Variants in NMBR observed in about 807,000 individuals in gnomAD.
The protein encoded by NMBR is neuromedin B receptor, also known as neuromedin-B receptor.
Under a neutral mutation model 20.5 loss-of-function variants are expected in NMBR, and 16 were observed. The observed-to-expected ratio is 0.78, with a 90% confidence interval of 0.53 to 1.19. The LOEUF (loss-of-function observed/expected upper bound fraction) is 1.19, where lower values mean the gene tolerates loss of function less well. Among genes scored for constraint, NMBR ranks in the 50% most tolerant of loss-of-function variants. The pLI, the probability that NMBR is intolerant of heterozygous loss-of-function variation, is 0.00. For missense variants in NMBR, 582 were observed against 499.1 expected (o/e 1.17, Z -1.58); for synonymous variants, 212 against 196.6 (o/e 1.08, Z -0.65).
chr6:142,129,956 C>G (rs932592723), intron 1 of NMBR, among the ~76,000 whole-genome samples: 1 of 152,096 alleles, frequency 6.6e-6, no homozygotes, highest in Admixed American at 6.6e-5. Flanking sequence ...GTACTGTGTG[C>G]TCCCTCCTAC....
At position 142,076,884 on chromosome 6, in the gene NMBR, A is replaced by G. The variant is rs531373972; in HGVS notation, c.772-835T>C. Among the ~76,000 whole-genome samples, 23 of 152,344 alleles carry G rather than the reference A, an allele frequency of 1.5e-4. No homozygotes were observed. In the South Asian group the frequency reaches 4.8e-3, roughly 32 times the overall value. Reference sequence around the variant, plus strand: ...GTATCATAATATTTTCTGAGTGAATACTACTGGTCGTCAACTAGAATATTC... The same window carrying G: ...GTATCATAATATTTTCTGAGTGAATGCTACTGGTCGTCAACTAGAATATTC... On this transcript the variant is annotated intron_variant, in intron 3 of 3. Transcript: ENST00000258042.
intron 1 of NMBR, among the ~76,000 whole-genome samples, chr6:142,140,721 T>C (rs1174969316): frequency 2.0e-5 from 3 of 152,128 alleles, no homozygotes; most frequent in Non-Finnish European, 1.5e-5. Context: ...GAATATTTTA[T>C]AGAAAATAAA....
chr6:142,085,490 C>T (rs1777183440), intron 2 of NMBR, among the ~76,000 whole-genome samples: 2 of 152,120 alleles, frequency 1.3e-5, no homozygotes, highest in African/African-American at 4.8e-5. Flanking sequence ...CACCCCTACA[C>T]TCCAGCCTGA....
At chr6:142,126,259 C>G (rs1051126279) in intron 1 of NMBR, among the ~76,000 whole-genome samples, 5 of 148,990 alleles carry the variant, frequency 3.4e-5, no homozygotes, top group South Asian at 2.1e-4. Context: ...TCCTCTCTCT[C>G]TCTGTGTGTG....
At chr6:142,141,719 T>C (rs1778365179) in intron 1 of NMBR, among the ~76,000 whole-genome samples, 1 of 152,124 alleles carries the variant, frequency 6.6e-6, no homozygotes, top group African/African-American at 2.4e-5. Context: ...TTGGCCAGGC[T>C]GTCTCGAACT....
chr6:142,097,171 CATTTAAAGTT>C (rs1777470308), intron 1 of NMBR, among the ~76,000 whole-genome samples: 2 of 152,166 alleles, frequency 1.3e-5, no homozygotes, highest in South Asian at 4.1e-4. Flanking sequence ...AGCCCATTTA[CATTTAAAGTT>C]AATATTGTTA....
At position 142,075,881 on chromosome 6, in the gene NMBR, A is replaced by C. The variant is rs1776931545; in HGVS notation, c.940T>G (p.Phe314Val). 1 of 1,614,090 alleles carries C rather than the reference A, an allele frequency of 6.2e-7. No homozygotes were observed. ...IVTLVARVLS[F>V]GNSCVNPFAL... The stretch of plus-strand genomic sequence containing the variant: ...AATGGGTTGACACAAGAATTGCCAA[A>C]ACTGAGAACCCGGGCAACTAAGGTG... The change falls in exon 4 of 4, where the codon TTT becomes GTT. Residue 314 changes from phenylalanine (F) to valine (V), a missense_variant. Phe to Val is a conservative substitution (Grantham distance 50). Transcript: ENST00000258042.
chr6:142,092,820 T>G (rs902626220), intron 1 of NMBR, among the ~76,000 whole-genome samples: 4 of 152,178 alleles, frequency 2.6e-5, no homozygotes, highest in African/African-American at 7.2e-5. Flanking sequence ...ACTCTGGAGA[T>G]TCACAGAATT....
intron 1 of NMBR, among the ~76,000 whole-genome samples, chr6:142,136,067 C>T (rs184364318): frequency 6.6e-6 from 1 of 152,196 alleles, no homozygotes; most frequent in Non-Finnish European, 1.5e-5. Context: ...TGAGGAATCG[C>T]CACACTGACT....
At position 142,088,600 on chromosome 6, in the gene NMBR, G is replaced by C. The variant is rs762083287; in HGVS notation, c.59C>G (p.Ser20Cys). Residue 20 changes from serine to cysteine, a missense_variant, in exon 2 of 4, where the codon TCC becomes TGC. Coordinates refer to ENST00000258042, the MANE Select transcript of NMBR (RefSeq NM_002511.4). ...ATCCCTTTCCCACCCCTCGGGAACG[G>C]AACCGCTCTCATTCGCGCCGGTGGT... ...SVTTGANESG[S>C]VPEGWERDFL... 3 of 1,612,054 alleles carry C rather than the reference G, an allele frequency of 1.9e-6. No individual in the cohort carries two copies. Among genetic ancestry groups the C allele is most frequent in the East Asian group, 2.2e-5 (1 of 44,854 alleles).
At chr6:142,084,903 GTGTT>G (rs1159091030) in intron 2 of NMBR, among the ~76,000 whole-genome samples, 1 of 152,170 alleles carries the variant, frequency 6.6e-6, no homozygotes, top group Non-Finnish European at 1.5e-5. Context: ...GAATATGTGT[GTGTT>G]TGTGTGTATG....
At chr6:142,142,853 G>A (rs906798124) in intron 1 of NMBR, among the ~76,000 whole-genome samples, 3 of 152,068 alleles carry the variant, frequency 2.0e-5, no homozygotes, top group Non-Finnish European at 4.4e-5. Context: ...TAGAGGTGAA[G>A]CCAGTAGGAT....
intron 2 of NMBR, among the ~76,000 whole-genome samples, chr6:142,079,111 A>AG (rs752203124): frequency 0.022 from 1,757 of 79,572 alleles, 26 homozygotes; most frequent in African/African-American, 0.033. Context: ...AGAGAGAAAG[A>AG]AAGAAAGAAA....
At chr6:142,133,487 G>C (rs1778183965) in intron 1 of NMBR, among the ~76,000 whole-genome samples, 1 of 152,166 alleles carries the variant, frequency 6.6e-6, no homozygotes, top group Non-Finnish European at 1.5e-5. Context: ...TTAAGATAGT[G>C]TACGGACTGA....
At chr6:142,127,483 T>A (rs943441393) in intron 1 of NMBR, among the ~76,000 whole-genome samples, 1 of 152,094 alleles carries the variant, frequency 6.6e-6, no homozygotes, top group Non-Finnish European at 1.5e-5. Flanking sequence ...CTTTTGTAGT[T>A]TCATATAAAT....
At chr6:142,094,779 C>G (rs1777411180) in intron 1 of NMBR, among the ~76,000 whole-genome samples, 1 of 152,132 alleles carries the variant, frequency 6.6e-6, no homozygotes, top group African/African-American at 2.4e-5. Flanking sequence ...TCTTCCTACC[C>G]ATGAGCATGG....
intron 1 of NMBR, among the ~76,000 whole-genome samples, chr6:142,090,955 T>C (rs545206414): frequency 6.6e-6 from 1 of 152,246 alleles, no homozygotes; most frequent in African/African-American, 2.4e-5. Context: ...AAATATCCAA[T>C]TGACAGGCAT....
Position 142,078,822 on chromosome 6 carries a change from C to T in NMBR, c.504G>A (p.Trp168Ter), listed in dbSNP as rs1383828550. 6.2e-7 allele frequency: 1 copy of T among 1,613,924 alleles called. No homozygotes were observed. Among genetic ancestry groups the T allele is most frequent in the Non-Finnish European group, 8.5e-7 (1 of 1,179,980 alleles). The change falls in exon 3 of 4, where the codon TGG becomes TGA. Residue 168 changes from tryptophan (W) to a stop codon, truncating the protein, a stop_gained. Transcript: ENST00000258042. LOFTEE classifies it high-confidence loss of function. The stretch of plus-strand genomic sequence containing the variant: ...GAACTGCCAGCAACACGGAGACCAC[C>T]CAGATACCCATGGCCTTCACACAGG... ...LRTCVKAMGI[W>*]VVSVLLAVPE...
At chr6:142,110,120 A>G (rs1777735136) in intron 1 of NMBR, among the ~76,000 whole-genome samples, 1 of 152,248 alleles carries the variant, frequency 6.6e-6, no homozygotes, top group East Asian at 1.9e-4. Flanking sequence ...ATACATTGCT[A>G]GTGGAAATTT....
Sources: allele counts gnomAD v4.1 joint callset (sites outside exome capture counted in the v4.1 genomes callset), GRCh38; gene constraint gnomAD v4.1.1; transcripts MANE v1.5; gene names NCBI Gene and HGNC (gene_info 2026-07-23, HGNC 2026-07-21).